Variants in RSRC1 observed in about 807,000 individuals in gnomAD.
RSRC1 encodes serine/Arginine-related protein 53.
RSRC1 carries 39 observed loss-of-function variants against 49.1 expected under a neutral mutation model. The ratio of observed to expected loss-of-function variants is 0.79; its 90% CI spans 0.61 to 1.04. The LOEUF (loss-of-function observed/expected upper bound fraction) is 1.04. Ranked by LOEUF, RSRC1 falls within the 50% of genes least tolerant of loss-of-function variation. The pLI is 0.00. For missense variants in RSRC1, 388 were observed against 402.4 expected, an observed-to-expected ratio of 0.96 and a Z score of 0.31; for synonymous variants, 143 against 130.8, an observed-to-expected ratio of 1.09 and a Z score of -0.63.
At chr3:158,509,408 A>G (rs1049885492) in intron 7 of RSRC1, among the ~76,000 whole-genome samples, 8 of 152,180 alleles carry the variant, frequency 5.3e-5, no homozygotes, top group Non-Finnish European at 8.8e-5. Flanking sequence ...GAATTCTTCA[A>G]TCTTTTCTAT....
At position 158,352,003 on chromosome 3, in the gene RSRC1, C is replaced by T. The variant is rs937206061; in HGVS notation, c.532-2854C>T. Among the ~76,000 whole-genome samples, 3 of 150,616 alleles carry T rather than the reference C, an allele frequency of 2.0e-5. No individual in the cohort carries two copies. The South Asian group carries it at 6.3e-4, about 31-fold the overall frequency. On this transcript the variant is annotated intron_variant, in intron 5 of 9. Coordinates refer to ENST00000611884, the MANE Select transcript of RSRC1 (RefSeq NM_001271838.2). ...AGACTTTCCTAGCTGGGCATAGTGG[C>T]TCACATCTGTAGTCCTAGCTCTTTG...
intron 5 of RSRC1, among the ~76,000 whole-genome samples, chr3:158,324,411 T>G (rs1183648735): frequency 2.0e-5 from 3 of 152,104 alleles, no homozygotes; most frequent in African/African-American, 7.2e-5. Flanking sequence ...GGCCCCGGTG[T>G]GTGATGTTCC....
chr3:158,265,563 AG>A (rs1725123201), intron 4 of RSRC1, among the ~76,000 whole-genome samples: 1 of 152,002 alleles, frequency 6.6e-6, no homozygotes, highest in Non-Finnish European at 1.5e-5. Flanking sequence ...ACCGGGAGGC[AG>A]AGGTTACAGT....
chr3:158,202,857 T>G (rs1365034313), intron 3 of RSRC1, among the ~76,000 whole-genome samples: 1 of 152,036 alleles, frequency 6.6e-6, no homozygotes, highest in Non-Finnish European at 1.5e-5. Context: ...AACTGCATCA[T>G]AATTTCCTAT....
intron 5 of RSRC1, among the ~76,000 whole-genome samples, chr3:158,352,149 G>A (rs183081977): frequency 0.012 from 1,879 of 151,950 alleles, 25 homozygotes; most frequent in Non-Finnish European, 0.02. Flanking sequence ...GTGCACACCT[G>A]TAGTCCTAGC....
chr3:158,213,951 T>C (rs565044963), intron 4 of RSRC1, among the ~76,000 whole-genome samples: 1 of 151,962 alleles, frequency 6.6e-6, no homozygotes, highest in South Asian at 2.1e-4. Context: ...GTAGTCAGCC[T>C]TCCATACCCG....
intron 4 of RSRC1, among the ~76,000 whole-genome samples, chr3:158,216,856 C>G (rs1227673466): frequency 6.6e-6 from 1 of 151,694 alleles, no homozygotes; most frequent in Non-Finnish European, 1.5e-5. Context: ...ACCTGTTCCT[C>G]TGATGCTCAT....
intron 6 of RSRC1, among the ~76,000 whole-genome samples, chr3:158,381,403 G>T (rs1732688196): frequency 6.6e-6 from 1 of 152,160 alleles, no homozygotes; most frequent in Non-Finnish European, 1.5e-5. Flanking sequence ...CCAGAAAATT[G>T]TATTACAGTA....
chr3:158,356,962 A>G (rs780035274), intron 6 of RSRC1, among the ~76,000 whole-genome samples: 6 of 152,152 alleles, frequency 3.9e-5, no homozygotes, highest in African/African-American at 7.2e-5. Context: ...TTTAACTTCA[A>G]TGTTCTAAAT....
intron 3 of RSRC1, among the ~76,000 whole-genome samples, chr3:158,170,377 A>G (rs936640570): frequency 6.9e-6 from 1 of 144,252 alleles, no homozygotes; most frequent in African/African-American, 2.6e-5. Context: ...TATAGTATAT[A>G]TGTTTCTGGA....
chr3:158,376,353 G>T (rs1337644485), intron 6 of RSRC1, among the ~76,000 whole-genome samples: 2 of 151,738 alleles, frequency 1.3e-5, no homozygotes, highest in Non-Finnish European at 2.9e-5. Flanking sequence ...GTAGAGACGG[G>T]GTTTCACCAT....
At chr3:158,391,729 C>T (rs1340867111) in intron 6 of RSRC1, among the ~76,000 whole-genome samples, 2 of 151,896 alleles carry the variant, frequency 1.3e-5, no homozygotes, top group Admixed American at 6.6e-5. Context: ...TAATCCAAAC[C>T]CATAAAGAAG....
intron 4 of RSRC1, among the ~76,000 whole-genome samples, chr3:158,287,395 A>G (rs890424726): frequency 3.3e-5 from 5 of 152,162 alleles, no homozygotes; most frequent in African/African-American, 1.2e-4. Context: ...TAAATAGTGG[A>G]GATGAAATAT....
At chr3:158,276,342 C>T (rs78643682) in intron 4 of RSRC1, 9,319 of 769,672 alleles carry the variant, frequency 0.012, 105 homozygotes, top group Non-Finnish European at 0.017. Flanking sequence ...GTACTGCCAG[C>T]AGCAGACCCT....
At chr3:158,397,111 C>T (rs771674992) in intron 6 of RSRC1, among the ~76,000 whole-genome samples, 7 of 152,130 alleles carry the variant, frequency 4.6e-5, no homozygotes, top group Non-Finnish European at 1.0e-4. Flanking sequence ...TCTAAATTCT[C>T]TTTGAATTGA....
At chr3:158,318,008 T>G (rs1247597374) in intron 5 of RSRC1, among the ~76,000 whole-genome samples, 3 of 147,058 alleles carry the variant, frequency 2.0e-5, no homozygotes, top group Non-Finnish European at 3.0e-5. Context: ...CTTAAAACAT[T>G]ATGAAGTTTT....
At chr3:158,318,040 TG>T (rs1728563304) in intron 5 of RSRC1, among the ~76,000 whole-genome samples, 1 of 152,074 alleles carries the variant, frequency 6.6e-6, no homozygotes, top group South Asian at 2.1e-4. Flanking sequence ...TGTGTGTGTG[TG>T]TGTGTGTTTG....
chr3:158,537,216 C>A lies in RSRC1; in HGVS notation c.759+18C>A. 4 of 1,440,158 alleles carry A rather than the reference C, an allele frequency of 2.8e-6. No homozygotes were observed. The highest frequency in any genetic ancestry group is 3.8e-6 in the Non-Finnish European group (4 of 1,055,204). The allele number at this position is 1,440,158 out of a possible 1,614,324, so 89.2% of individuals were successfully genotyped here. On this transcript the variant is annotated intron_variant, in intron 8 of 9. Coordinates refer to ENST00000611884, the MANE Select transcript of RSRC1 (RefSeq NM_001271838.2). ...TCAAAAAGGTAAGTTTTTATCCACC[C>A]ATTATGAGTAAACCTTTGGATTCTA...
chr3:158,197,842 C>T (rs1408556999), intron 3 of RSRC1, among the ~76,000 whole-genome samples: 1 of 152,158 alleles, frequency 6.6e-6, no homozygotes, highest in South Asian at 2.1e-4. Context: ...TTTGATTGCA[C>T]TGTGGTCTGA....
Sources: gnomAD v4.1 joint callset for allele counts (sites outside exome capture counted in the v4.1 genomes callset) on GRCh38, gnomAD v4.1.1 for gene constraint, MANE v1.5 for transcripts, NCBI Gene and HGNC (gene_info 2026-07-23, HGNC 2026-07-21) for gene names.